The following SYN3 variants were observed in gnomAD, a reference collection of about 807,000 sequenced individuals.
The protein encoded by SYN3 is synapsin-3.
Under a neutral mutation model 65.8 loss-of-function variants are expected in SYN3, and 35 were observed. The ratio of observed to expected loss-of-function variants is 0.53; its 90% CI spans 0.41 to 0.70. SYN3 has a LOEUF of 0.70. Ranked by LOEUF, SYN3 falls within the 30% of genes least tolerant of loss-of-function variation. SYN3 has a pLI of 0.00. For missense variants in SYN3, 680 were observed against 749.0 expected (o/e 0.91, Z 1.08); for synonymous variants, 270 against 292.9 (o/e 0.92, Z 0.80).
chr22:32,682,630 A>G (rs1418939135), intron 6 of SYN3, among the ~76,000 whole-genome samples: 1 of 152,170 alleles, frequency 6.6e-6, no homozygotes, highest in East Asian at 1.9e-4. Context: ...TAGTCCCAGC[A>G]CTTGGATTGG....
rs115715764 is a variant in SYN3 at position 32,827,102 on chromosome 22, C to T, written c.711+37813G>A. 5.7e-3 allele frequency among the ~76,000 whole-genome samples: 871 copies of T among 152,294 alleles called. 11 individuals carry two copies. Among genetic ancestry groups the T allele is most frequent in the African/African-American group, 0.018 (749 of 41,548 alleles). On this transcript the variant is annotated intron_variant, in intron 6 of 13. Transcript: ENST00000358763. The stretch of plus-strand genomic sequence containing the variant: ...GGCCCACTCTGAAGTTAAAAATCCC[C>T]GAGTGAATAAATCTCCAGCCTCTCC...
At chr22:32,709,821 T>A (rs919509525) in intron 6 of SYN3, among the ~76,000 whole-genome samples, 4 of 152,102 alleles carry the variant, frequency 2.6e-5, no homozygotes, top group South Asian at 2.1e-4. Context: ...ATGGAGAAGT[T>A]CCCTATCAAT....
At chr22:32,987,659 A>G (rs934381309) in intron 2 of SYN3, among the ~76,000 whole-genome samples, 3 of 152,206 alleles carry the variant, frequency 2.0e-5, no homozygotes, top group African/African-American at 7.2e-5. Context: ...CCCGAGCCAC[A>G]GGATGTGACA....
intron 6 of SYN3, among the ~76,000 whole-genome samples, chr22:32,772,988 G>A (rs1167725675): frequency 6.6e-6 from 1 of 152,106 alleles, no homozygotes; most frequent in Non-Finnish European, 1.5e-5. Flanking sequence ...TAAATATCTG[G>A]GGCTGTATGA....
At chr22:32,774,743 T>G (rs1160749823) in intron 6 of SYN3, among the ~76,000 whole-genome samples, 1 of 152,196 alleles carries the variant, frequency 6.6e-6, no homozygotes, top group Non-Finnish European at 1.5e-5. Context: ...TACAGGCATG[T>G]GCCACCACAC....
chr22:32,931,489 A>T lies in SYN3; in HGVS notation c.370-8T>A. The T allele has an allele frequency of 6.2e-7, 1 of 1,608,004 alleles. No homozygotes were observed. Among genetic ancestry groups the T allele is most frequent in the Non-Finnish European group, 8.5e-7 (1 of 1,174,458 alleles). On this transcript the variant is annotated splice_polypyrimidine_tract_variant and splice_region_variant and intron_variant, in intron 3 of 13. Transcript: ENST00000358763. Reference sequence around the variant, plus strand: ...CAACTCTGAGAATTCAGCCTGAAGAATAAAGCAAAGCAAAAAAGGATTCAT... The same window carrying T: ...CAACTCTGAGAATTCAGCCTGAAGATTAAAGCAAAGCAAAAAAGGATTCAT...
intron 6 of SYN3, among the ~76,000 whole-genome samples, chr22:32,743,973 T>G (rs1194300164): frequency 6.6e-6 from 1 of 151,964 alleles, no homozygotes; most frequent in Non-Finnish European, 1.5e-5. Flanking sequence ...CTTGAGCAAA[T>G]GAATTTTCAG....
intron 1 of SYN3, among the ~76,000 whole-genome samples, chr22:33,018,415 C>G (rs1239403475): frequency 2.6e-5 from 4 of 152,108 alleles, no homozygotes; most frequent in Non-Finnish European, 5.9e-5. Context: ...GTACCCAGCC[C>G]CATGCTGCCC....
At chr22:32,905,902 A>AG (rs766640862) in intron 4 of SYN3, among the ~76,000 whole-genome samples, 29 of 152,228 alleles carry the variant, frequency 1.9e-4, no homozygotes, top group Non-Finnish European at 2.9e-4. Context: ...CTCAGCTTGC[A>AG]GGGCATCCCA....
intron 6 of SYN3, among the ~76,000 whole-genome samples, chr22:32,739,511 T>C (rs929415949): frequency 1.6e-4 from 25 of 152,154 alleles, no homozygotes; most frequent in African/African-American, 5.3e-4. Context: ...ATGAGGAAAC[T>C]GAGGCTCAGA....
chr22:32,974,135 T>C (rs555192882), intron 3 of SYN3, among the ~76,000 whole-genome samples: 5 of 152,362 alleles, frequency 3.3e-5, no homozygotes, highest in African/African-American at 1.2e-4. Flanking sequence ...AATAAGATTA[T>C]GCATGTCAAG....
chr22:32,600,714 G>C (rs1055866635), intron 6 of SYN3, among the ~76,000 whole-genome samples: 1 of 151,712 alleles, frequency 6.6e-6, no homozygotes, highest in Non-Finnish European at 1.5e-5. Context: ...TTGAGACAGA[G>C]TCTTGCTCTG....
chr22:32,916,653 C>T (rs566709892), intron 4 of SYN3, among the ~76,000 whole-genome samples: 1 of 152,288 alleles, frequency 6.6e-6, no homozygotes, highest in African/African-American at 2.4e-5. Context: ...ACCCCTGGTG[C>T]TAGAGTCACT....
chr22:32,784,090 A>G (rs5749509), intron 6 of SYN3, among the ~76,000 whole-genome samples: 39,578 of 152,146 alleles, frequency 0.26, 5,681 homozygotes, highest in African/African-American at 0.39. Flanking sequence ...GCTTCCAACT[A>G]TCTCCAGACC....
At chr22:32,556,795 GGTTTCCTGGTTTTT>G (rs1261570580) in intron 7 of SYN3, among the ~76,000 whole-genome samples, 7,168 of 87,168 alleles carry the variant, frequency 0.082, 1,548 homozygotes, top group African/African-American at 0.2. Flanking sequence ...CCAATCTATA[GGTTTCCTGGTTTTT>G]TTTTTTTTTT....
At chr22:33,045,137 C>T (rs2054037691) in intron 1 of SYN3, among the ~76,000 whole-genome samples, 1 of 152,050 alleles carries the variant, frequency 6.6e-6, no homozygotes, top group Admixed American at 6.6e-5. Flanking sequence ...GCCACCGCGC[C>T]CAGCCCCAGA....
Position 32,857,205 on chromosome 22 carries a change from C to A in SYN3, c.711+7710G>T, listed in dbSNP as rs1334117317. ...GTGGGATTAGGGATCATACGGGTGT[C>A]CAAACTGGGAAAGAAGAAGTCATGA... is the stretch of plus-strand genomic sequence containing the variant. On this transcript the variant is annotated intron_variant, in intron 6 of 13. Coordinates refer to ENST00000358763, the MANE Select transcript of SYN3 (RefSeq NM_003490.4). 8.7e-6 allele frequency: 13 copies of A among 1,498,134 alleles called. No individual in the cohort carries two copies. In the Admixed American group the frequency reaches 2.2e-4, roughly 25 times the overall value. The allele number at this position is 1,498,134 out of a possible 1,614,324, so 92.8% of individuals were successfully genotyped here.
chr22:32,701,879 C>T (rs1399249267), intron 6 of SYN3, among the ~76,000 whole-genome samples: 1 of 151,816 alleles, frequency 6.6e-6, no homozygotes, highest in East Asian at 1.9e-4. Context: ...AAAATGTTTC[C>T]AAACAATGGA....
intron 13 of SYN3, among the ~76,000 whole-genome samples, chr22:32,516,033 T>C (rs1047022815): frequency 1.3e-5 from 2 of 152,024 alleles, no homozygotes; most frequent in Non-Finnish European, 2.9e-5. Flanking sequence ...CTCCTGACCT[T>C]GTGATCCGCC....
Sources: allele counts gnomAD v4.1 joint callset (sites outside exome capture counted in the v4.1 genomes callset), GRCh38; gene constraint gnomAD v4.1.1; transcripts MANE v1.5; gene names NCBI Gene and HGNC (gene_info 2026-07-23, HGNC 2026-07-21).